The following PSMD1 variants were observed in gnomAD, a reference collection of about 807,000 sequenced individuals.
PSMD1 encodes 26S proteasome non-ATPase regulatory subunit 1.
Under a neutral mutation model 119.0 loss-of-function variants are expected in PSMD1, and 18 were observed. The ratio of observed to expected loss-of-function variants is 0.15; its 90% CI spans 0.10 to 0.22. PSMD1 has a LOEUF of 0.22. Among genes scored for constraint, PSMD1 ranks in the 10% least tolerant of loss-of-function variants. The probability of loss-of-function intolerance (pLI) is 1.00; values close to 1 mark genes in which losing one functional copy is unlikely to be tolerated. For synonymous variants in PSMD1, 374 were observed against 396.6 expected (o/e 0.94, Z 0.68); for missense variants, 702 against 1,158.5 (o/e 0.61, Z 5.72).
chr2:231,165,300 G>A lies in PSMD1; in HGVS notation c.2568+14G>A. 1.3e-6 allele frequency: 2 copies of A among 1,581,664 alleles called. No individual in the cohort carries two copies. Among genetic ancestry groups the A allele is most frequent in the Non-Finnish European group, 1.7e-6 (2 of 1,159,860 alleles). On this transcript the variant is annotated intron_variant, in intron 22 of 24. Transcript: ENST00000308696. ...AAAATGGAAGTGGTAGGTATAAATT[G>A]GTGGTCATATGGATTGAAGTATCTC...
rs1450721445 is a variant in PSMD1, at chr2:231,123,536, G to T, written c.1884-15200G>T. 1.2e-6 allele frequency: 2 copies of T among 1,613,906 alleles called. No homozygotes were observed. Among genetic ancestry groups the T allele is most frequent in the Non-Finnish European group, 1.7e-6 (2 of 1,179,892 alleles). ...AGCTTCTTCTCCAGTGAAACAGCCA[G>T]AATAACAAGGGTATTTCCACCAATT... On this transcript the variant is annotated intron_variant, in intron 16 of 24. Coordinates refer to ENST00000308696, the MANE Select transcript of PSMD1 (RefSeq NM_002807.4).
rs541194021 is a variant in PSMD1, at chr2:231,110,213, A to G, written c.1883+23032A>G. Among the ~76,000 whole-genome samples, 21 of 152,218 alleles carry G rather than the reference A, an allele frequency of 1.4e-4. No individual in the cohort carries two copies. The South Asian group carries it at 2.3e-3, about 17-fold the overall frequency. On this transcript the variant is annotated intron_variant, in intron 16 of 24. Coordinates refer to ENST00000308696, the MANE Select transcript of PSMD1 (RefSeq NM_002807.4). ...CACGCGCCTGTACTCCCAGCTACTCAGGAGGCTAAGGTGGGAGAATCACTT... is the reference window on the plus strand; with the variant it reads ...CACGCGCCTGTACTCCCAGCTACTCGGGAGGCTAAGGTGGGAGAATCACTT...
At chr2:231,059,611 T>G (rs2125148939) in intron 1 of PSMD1, among the ~76,000 whole-genome samples, 1 of 152,286 alleles carries the variant, frequency 6.6e-6, no homozygotes, top group Non-Finnish European at 1.5e-5. Context: ...TTTAAAACAA[T>G]AGTCCCCCAC....
At chr2:231,172,063 AG>A (rs1160582581) in intron 24 of PSMD1, among the ~76,000 whole-genome samples, 2 of 152,230 alleles carry the variant, frequency 1.3e-5, no homozygotes, top group Non-Finnish European at 2.9e-5. Context: ...TGGGCCTTAG[AG>A]AAAGGCAGAT....
At chr2:231,083,036 TAATGTA>T in intron 13 of PSMD1, 42 bp downstream of exon 13, 9 of 1,410,100 alleles carry the variant, frequency 6.4e-6, no homozygotes, top group Non-Finnish European at 9.0e-6. Flanking sequence ...AAGTATTAAT[TAATGTA>T]AATGTAATTA....
intron 4 of PSMD1, among the ~76,000 whole-genome samples, 173 bp from the exon 5 acceptor site, chr2:231,066,733 G>A (rs186812115): frequency 1.7e-4 from 26 of 152,204 alleles, no homozygotes; most frequent in Non-Finnish European, 2.4e-4. Flanking sequence ...GTAGTTCTCC[G>A]GTGTAAATAT....
At chr2:231,120,344 A>G (rs1695495640) in intron 16 of PSMD1, among the ~76,000 whole-genome samples, 1 of 152,178 alleles carries the variant, frequency 6.6e-6, no homozygotes, top group Non-Finnish European at 1.5e-5. Context: ...ATATCAGCAT[A>G]AGGTGTTGTT....
chr2:231,139,545 C>G (rs1204940420), intron 17 of PSMD1, among the ~76,000 whole-genome samples: 1 of 133,094 alleles, frequency 7.5e-6, no homozygotes, highest in Non-Finnish European at 1.5e-5. Context: ...CTGTGCCTGG[C>G]CCATTGATTT....
At chr2:231,116,262 G>A (rs1230303623) in intron 16 of PSMD1, among the ~76,000 whole-genome samples, 1 of 152,048 alleles carries the variant, frequency 6.6e-6, no homozygotes, top group Non-Finnish European at 1.5e-5. Flanking sequence ...CTAAAAATGA[G>A]GGTACATCTT....
intron 23 of PSMD1, among the ~76,000 whole-genome samples, chr2:231,166,690 G>A (rs993572927): frequency 2.0e-5 from 3 of 152,060 alleles, no homozygotes. Flanking sequence ...TAACTAGAGC[G>A]CCATCAGTAG....
In PSMD1 at chr2:231,108,275, G is replaced by A. The variant is rs572203520; in HGVS notation, c.1883+21094G>A. On this transcript the variant is annotated intron_variant, in intron 16 of 24. Coordinates refer to ENST00000308696, the MANE Select transcript of PSMD1 (RefSeq NM_002807.4). ...TTATTGATTTGACTTTATTTCATTC[G>A]AATACCTTAAAATTTAACCAGAGTG... is the stretch of plus-strand genomic sequence containing the variant. The A allele has an allele frequency of 3.3e-5, 13 of 395,354 alleles. 1 individual carries two copies. In the South Asian group the frequency reaches 5.3e-4, roughly 16 times the overall value. 24.5% of individuals were successfully genotyped at this position (395,354 alleles called of 1,614,324 possible).
In PSMD1 at chr2:231,056,931, A is replaced by T; in HGVS notation, c.-95A>T. The T allele has an allele frequency of 6.7e-7, 1 of 1,494,402 alleles. No homozygotes were observed. Among genetic ancestry groups the T allele is most frequent in the Non-Finnish European group, 9.0e-7 (1 of 1,108,338 alleles). 92.6% of individuals were successfully genotyped at this position (1,494,402 alleles called of 1,614,324 possible). A position where few individuals can be genotyped will look rare whatever the true frequency, so the allele number is the denominator to read the frequency against. ...TGACTGAGCAGCGCACCCGGGGAGCAAGGAGGCGCGGTGAACTGAGCGGCC... is the reference window on the plus strand; with the variant it reads ...TGACTGAGCAGCGCACCCGGGGAGCTAGGAGGCGCGGTGAACTGAGCGGCC... On this transcript the variant is annotated 5_prime_UTR_variant, in exon 1 of 25. Coordinates refer to ENST00000308696, the MANE Select transcript of PSMD1 (RefSeq NM_002807.4).
At chr2:231,074,626 T>C (rs1294899482) in intron 7 of PSMD1, among the ~76,000 whole-genome samples, 1 of 152,202 alleles carries the variant, frequency 6.6e-6, no homozygotes, top group Non-Finnish European at 1.5e-5. Context: ...GTAATTTTCC[T>C]AATTTCTCTT....
chr2:231,067,773 C>T (rs895315242), intron 5 of PSMD1, among the ~76,000 whole-genome samples: 4 of 152,150 alleles, frequency 2.6e-5, no homozygotes, highest in Admixed American at 6.5e-5. Flanking sequence ...CCTCCCATCT[C>T]AGCTTCCTGA....
At chr2:231,100,351 G>C (rs2161892) in intron 16 of PSMD1, among the ~76,000 whole-genome samples, 1 of 152,056 alleles carries the variant, frequency 6.6e-6, no homozygotes, top group South Asian at 2.1e-4. Context: ...CCCTGCTGCT[G>C]TGTCATTCCC....
intron 16 of PSMD1, chr2:231,113,879 C>T (rs1374793677): frequency 6.2e-7 from 1 of 1,614,084 alleles, no homozygotes; most frequent in East Asian, 2.2e-5. Flanking sequence ...AAGAGAACGT[C>T]AAGAAATAAC....
intron 16 of PSMD1, among the ~76,000 whole-genome samples, chr2:231,111,661 G>A (rs945216461): frequency 2.0e-5 from 3 of 152,098 alleles, no homozygotes; most frequent in Non-Finnish European, 2.9e-5. Flanking sequence ...ATTTGTGATC[G>A]GTTCTACAAG....
Position 231,083,679 on chromosome 2 carries a change from T to C in PSMD1, c.1638T>C (p.Arg546=). The C allele has an allele frequency of 1.9e-6, 3 of 1,614,194 alleles. No individual in the cohort carries two copies. The highest frequency in any genetic ancestry group is 1.3e-5 in the African/African-American group (1 of 75,050). Residue 546 remains arginine (R), a synonymous_variant, in exon 14 of 25, where the codon CGT becomes CGC. Coordinates refer to ENST00000308696, the MANE Select transcript of PSMD1 (RefSeq NM_002807.4). ...AAACTCAACATGAGAAGATTCTGCG[T>C]GGTCTTGCAGTTGGCATAGCTTTAG... ...AQETQHEKIL[R]GLAVGIALVM...
At chr2:231,110,298 C>T (rs1205034977) in intron 16 of PSMD1, among the ~76,000 whole-genome samples, 3 of 151,982 alleles carry the variant, frequency 2.0e-5, no homozygotes, top group Non-Finnish European at 2.9e-5. Context: ...CCACGCTCAG[C>T]GACAAAGTAA....
Sources: allele counts gnomAD v4.1 joint callset (sites outside exome capture counted in the v4.1 genomes callset), GRCh38; gene constraint gnomAD v4.1.1; transcripts MANE v1.5; gene names NCBI Gene and HGNC (gene_info 2026-07-23, HGNC 2026-07-21).